The following WWOX variants were observed in gnomAD, a reference collection of about 807,000 sequenced individuals.
The protein encoded by WWOX is WW domain containing oxidoreductase.
A neutral mutation model predicts 46.2 loss-of-function variants in WWOX; 69 were observed. The ratio of observed to expected loss-of-function variants is 1.49; its 90% CI spans 1.23 to 1.82. The LOEUF (loss-of-function observed/expected upper bound fraction) is 1.82. WWOX is among the 40% of genes most tolerant of loss of function. WWOX has a pLI of 0.00. For missense variants in WWOX, 919 were observed against 542.6 expected, an observed-to-expected ratio of 1.69 and a Z score of -6.89; for synonymous variants, 359 against 202.6, an observed-to-expected ratio of 1.77 and a Z score of -6.56.
At chr16:78,534,958 C>T (rs537853610) in intron 8 of WWOX, among the ~76,000 whole-genome samples, 4 of 152,234 alleles carry the variant, frequency 2.6e-5, no homozygotes, top group Admixed American at 1.3e-4. Flanking sequence ...ATGATCTGTT[C>T]GTCTCAGCCT....
intron 5 of WWOX, among the ~76,000 whole-genome samples, chr16:78,289,782 G>A (rs1326368117): frequency 6.6e-6 from 1 of 152,172 alleles, no homozygotes; most frequent in Non-Finnish European, 1.5e-5. Flanking sequence ...GTCCTTTAGA[G>A]GAGGTCCTGA....
intron 8 of WWOX, among the ~76,000 whole-genome samples, chr16:79,105,665 T>G (rs11150135): frequency 0.083 from 12,566 of 151,898 alleles, 587 homozygotes; most frequent in South Asian, 0.13. Flanking sequence ...TTTTTGTTTT[T>G]TTTTTTTTTG....
intron 8 of WWOX, among the ~76,000 whole-genome samples, chr16:78,454,291 A>C (rs1413303342): frequency 1.3e-5 from 2 of 152,070 alleles, no homozygotes; most frequent in African/African-American, 4.8e-5. Context: ...GCATCTCTCA[A>C]ACTTTTTTGG....
intron 8 of WWOX, among the ~76,000 whole-genome samples, chr16:79,056,618 T>A (rs766663495): frequency 1.1e-4 from 17 of 152,314 alleles, no homozygotes; most frequent in Middle Eastern, 6.8e-3. Flanking sequence ...CTCTACCCAC[T>A]AGATGCCAGT....
At chr16:78,629,559 C>G (rs149071887) in intron 8 of WWOX, among the ~76,000 whole-genome samples, 7 of 152,286 alleles carry the variant, frequency 4.6e-5, no homozygotes, top group Middle Eastern at 3.4e-3. Flanking sequence ...ATAACAAAAT[C>G]CTTTCCAGGG....
intron 4 of WWOX, among the ~76,000 whole-genome samples, chr16:78,129,595 C>A (rs77630590): frequency 1.8e-3 from 275 of 152,182 alleles, no homozygotes; most frequent in African/African-American, 6.4e-3. Flanking sequence ...TAAAGCTTCC[C>A]AATCAGCCTT....
intron 5 of WWOX, among the ~76,000 whole-genome samples, chr16:78,315,184 T>G (rs1033066760): frequency 6.6e-6 from 1 of 152,194 alleles, no homozygotes; most frequent in African/African-American, 2.4e-5. Context: ...GAGGCCAAAG[T>G]AGAATTTTCC....
At chr16:78,252,679 C>T (rs943849536) in intron 5 of WWOX, among the ~76,000 whole-genome samples, 3 of 152,168 alleles carry the variant, frequency 2.0e-5, no homozygotes, top group Non-Finnish European at 2.9e-5. Context: ...TGCCAGGAGA[C>T]GTAGACGAGC....
chr16:78,740,772 G>C (rs1426733189), intron 8 of WWOX, among the ~76,000 whole-genome samples: 1 of 152,112 alleles, frequency 6.6e-6, no homozygotes, highest in Non-Finnish European at 1.5e-5. Context: ...TGGATATCTT[G>C]GTTGCAGCAC....
At chr16:78,879,631 G>A (rs1005222001) in intron 8 of WWOX, among the ~76,000 whole-genome samples, 18 of 152,014 alleles carry the variant, frequency 1.2e-4, no homozygotes, top group Admixed American at 4.6e-4. Flanking sequence ...TAATCCCAGC[G>A]CTTTGGGAGG....
intron 6 of WWOX, among the ~76,000 whole-genome samples, chr16:78,418,204 C>G (rs564717263): frequency 6.6e-6 from 1 of 151,960 alleles, no homozygotes; most frequent in African/African-American, 2.4e-5. Context: ...ACTAAAAATA[C>G]AAAAACAAGA....
chr16:78,156,690 G>C (rs1200043382), intron 4 of WWOX, among the ~76,000 whole-genome samples: 1 of 152,164 alleles, frequency 6.6e-6, no homozygotes, highest in Non-Finnish European at 1.5e-5. Context: ...TTGGGAGGTC[G>C]AGGTGGGTGG....
intron 8 of WWOX, among the ~76,000 whole-genome samples, chr16:79,033,687 C>T (rs973517981): frequency 6.6e-5 from 10 of 152,176 alleles, no homozygotes; most frequent in South Asian, 4.1e-4. Context: ...AAAACTGAAA[C>T]GCTGTACCCA....
chr16:78,745,072 A>T (rs982833333), intron 8 of WWOX, among the ~76,000 whole-genome samples: 30 of 152,114 alleles, frequency 2.0e-4, no homozygotes, highest in African/African-American at 6.8e-4. Flanking sequence ...TGATGAAGAA[A>T]TGGAGATCTC....
intron 8 of WWOX, among the ~76,000 whole-genome samples, chr16:78,734,532 C>G (rs1037667329): frequency 2.0e-5 from 3 of 152,068 alleles, no homozygotes; most frequent in Non-Finnish European, 2.9e-5. Flanking sequence ...GACCTCAGAC[C>G]TTGGACCTCA....
chr16:78,634,785 A>G (rs1389123810), intron 8 of WWOX, among the ~76,000 whole-genome samples: 2 of 150,066 alleles, frequency 1.3e-5, no homozygotes, highest in Non-Finnish European at 3.0e-5. Context: ...CTGAGGGCCA[A>G]TAGTTTAGAG....
chr16:78,928,737 C>A (rs1019562940), intron 8 of WWOX, among the ~76,000 whole-genome samples: 4 of 152,046 alleles, frequency 2.6e-5, no homozygotes, highest in African/African-American at 9.7e-5. Flanking sequence ...TTTTATGGAC[C>A]TGCATTGCTG....
rs558085769 is a variant in WWOX, at chr16:78,616,272, C to G, written c.1056+183520C>G. Among the ~76,000 whole-genome samples, 65 of 151,882 alleles carry G rather than the reference C, an allele frequency of 4.3e-4. No individual in the cohort carries two copies. The South Asian group carries it at 0.013, about 31-fold the overall frequency. ...GGATGTTTGTCTTAGTTTTTTTGGG[C>G]TGCTATAACAAAATGCCATGGACTG... On this transcript the variant is annotated intron_variant, in intron 8 of 8. Coordinates refer to ENST00000566780, the MANE Select transcript of WWOX (RefSeq NM_016373.4).
intron 8 of WWOX, among the ~76,000 whole-genome samples, chr16:78,654,651 C>G (rs1054979306): frequency 1.3e-5 from 2 of 152,010 alleles, no homozygotes; most frequent in African/African-American, 4.8e-5. Flanking sequence ...CTCTCTCTCT[C>G]TCTCTCTGTG....
Sources: allele counts gnomAD v4.1 joint callset (sites outside exome capture counted in the v4.1 genomes callset), GRCh38; gene constraint gnomAD v4.1.1; transcripts MANE v1.5; gene names NCBI Gene and HGNC (gene_info 2026-07-23, HGNC 2026-07-21).